MARK1: variants seen among roughly 807,000 people sequenced by gnomAD.
MARK1 encodes serine/threonine-protein kinase MARK1.
MARK1 carries 40 observed loss-of-function variants against 96.3 expected under a neutral mutation model. The observed-to-expected ratio is 0.42, with a 90% CI of 0.32 to 0.54. The LOEUF is 0.54. MARK1 is among the 20% of genes least tolerant of loss of function. The pLI is 0.16. For synonymous variants in MARK1, 317 were observed against 341.2 expected (o/e 0.93, Z 0.78); for missense variants, 719 against 984.6 (o/e 0.73, Z 3.61).
chr1:220,610,459 T>G (rs1346222279), intron 6 of MARK1, among the ~76,000 whole-genome samples: 2 of 152,164 alleles, frequency 1.3e-5, no homozygotes, highest in African/African-American at 4.8e-5. Context: ...TCTAATCTTT[T>G]TTCAGGGTTT....
chr1:220,616,959 G>A (rs187400422), intron 7 of MARK1, among the ~76,000 whole-genome samples: 1 of 152,254 alleles, frequency 6.6e-6, no homozygotes, highest in East Asian at 1.9e-4. Context: ...GAGTTTTCCT[G>A]TACATTCCTG....
intron 1 of MARK1, among the ~76,000 whole-genome samples, chr1:220,540,934 C>G (rs567009129): frequency 2.6e-5 from 4 of 151,496 alleles, no homozygotes; most frequent in Admixed American, 6.6e-5. Context: ...TGAAGTCTCT[C>G]TCTTTTTTTT....
intron 3 of MARK1, among the ~76,000 whole-genome samples, chr1:220,583,186 C>T (rs956747440): frequency 5.3e-5 from 8 of 152,132 alleles, no homozygotes; most frequent in African/African-American, 1.9e-4. Flanking sequence ...GTAATTATCG[C>T]ACATTTATAT....
rs75117742 is a variant in MARK1, at chr1:220,533,583, C to T, written c.51+4710C>T. ...GACATATTTTGCCCTAATTCTTAAA[C>T]GATAGCTTTGCTTAGTCTGTAACTC... On this transcript the variant is annotated intron_variant, in intron 1 of 17. Transcript: ENST00000366917. Among the ~76,000 whole-genome samples, 649 of 152,206 alleles carry T rather than the reference C, an allele frequency of 4.3e-3. 3 individuals carry two copies. The highest frequency in any genetic ancestry group is 0.015 in the African/African-American group (628 of 41,542).
Position 220,538,243 on chromosome 1 carries a change from T to G in MARK1, c.51+9370T>G, listed in dbSNP as rs191589434. ...GTTTAAGTCTTTAATCCATCTTGAA[T>G]TCATTTTAGTATAAGGTGTAAGGAA... is the stretch of plus-strand genomic sequence containing the variant. On this transcript the variant is annotated intron_variant, in intron 1 of 17. Transcript: ENST00000366917. Among the ~76,000 whole-genome samples, 555 of 152,252 alleles carry G rather than the reference T, an allele frequency of 3.6e-3. 5 individuals are homozygous for G. Among genetic ancestry groups the G allele is most frequent in the African/African-American group, 0.013 (524 of 41,554 alleles).
intron 6 of MARK1, among the ~76,000 whole-genome samples, chr1:220,615,115 T>C (rs1341515323): frequency 6.6e-6 from 1 of 152,182 alleles, no homozygotes. Context: ...TCTTAATTGA[T>C]TGCTATCAGA....
At chr1:220,554,559 A>G (rs1662115007) in intron 1 of MARK1, among the ~76,000 whole-genome samples, 1 of 152,202 alleles carries the variant, frequency 6.6e-6, no homozygotes, top group Admixed American at 6.5e-5. Flanking sequence ...TTATGACATA[A>G]GGGTAGAGGT....
chr1:220,652,208 A>T, intron 15 of MARK1, 58 bp downstream of exon 15: 1 of 1,365,378 alleles, frequency 7.3e-7, no homozygotes, highest in Middle Eastern at 1.9e-4. Context: ...ATATAGCACC[A>T]TGTGAAAATA....
chr1:220,653,360 C>G lies in MARK1; in HGVS notation c.1988+8C>G. On this transcript the variant is annotated splice_region_variant and intron_variant, in intron 16 of 17. Coordinates refer to ENST00000366917, the MANE Select transcript of MARK1 (RefSeq NM_018650.5). ...ATCCAAATTTGTTCGCAGGTCAGTA[C>G]CAATGTACTGTCGTGTTTTGATTCC... The G allele has an allele frequency of 6.2e-7, 1 of 1,613,538 alleles. No individual in the cohort carries two copies.
intron 3 of MARK1, among the ~76,000 whole-genome samples, chr1:220,595,702 G>T (rs1665291703): frequency 6.6e-6 from 1 of 152,186 alleles, no homozygotes; most frequent in Non-Finnish European, 1.5e-5. Context: ...GTAGATAACG[G>T]ATTGGAGGAT....
intron 3 of MARK1, among the ~76,000 whole-genome samples, chr1:220,583,185 G>A (rs1299565055): frequency 1.3e-5 from 2 of 152,204 alleles, no homozygotes; most frequent in South Asian, 2.1e-4. Flanking sequence ...GGTAATTATC[G>A]CACATTTATA....
chr1:220,631,378 C>T (rs569668581), intron 10 of MARK1, among the ~76,000 whole-genome samples: 3 of 152,222 alleles, frequency 2.0e-5, no homozygotes, highest in East Asian at 1.9e-4. Flanking sequence ...GTAAATAAAT[C>T]GAATTCTTTC....
chr1:220,602,502 C>T (rs922653776), intron 5 of MARK1, among the ~76,000 whole-genome samples: 2 of 152,094 alleles, frequency 1.3e-5, no homozygotes, highest in Non-Finnish European at 2.9e-5. Flanking sequence ...CATGTAAATA[C>T]CTGGGGTAAG....
chr1:220,567,155 A>G (rs1410283621), intron 1 of MARK1, among the ~76,000 whole-genome samples: 2 of 152,176 alleles, frequency 1.3e-5, no homozygotes, highest in African/African-American at 4.8e-5. Context: ...AAATGATTGC[A>G]TATCACTATA....
chr1:220,583,752 G>A (rs527382911), intron 3 of MARK1, among the ~76,000 whole-genome samples: 5 of 149,852 alleles, frequency 3.3e-5, no homozygotes, highest in Admixed American at 1.3e-4. Flanking sequence ...AGGCTCAAGC[G>A]ATTCTCCTGA....
chr1:220,631,128 A>G lies in MARK1; in HGVS notation c.1003A>G (p.Arg335Gly), dbSNP rs745420840. Residue 335 changes from arginine to glycine, a missense_variant, in exon 10 of 18, where the codon AGA becomes GGA. Coordinates refer to ENST00000366917, the MANE Select transcript of MARK1 (RefSeq NM_018650.5). ...TGATCCGGATTTCAATGACACAAAA[A>G]GAATAGGTAAGTATTTAAACATGGT... ...EPDPDFNDTK[R>G]IDIMVTMGFA... 2 of 1,608,146 alleles carry G rather than the reference A, an allele frequency of 1.2e-6. No individual in the cohort carries two copies. The highest frequency in any genetic ancestry group is 1.7e-6 in the Non-Finnish European group (2 of 1,174,884).
At chr1:220,653,573 T>A (rs1035995843) in intron 16 of MARK1, among the ~76,000 whole-genome samples, 1 of 152,162 alleles carries the variant, frequency 6.6e-6, no homozygotes, top group African/African-American at 2.4e-5. Context: ...TTTAAAAATC[T>A]GTAAAATAAA....
intron 6 of MARK1, among the ~76,000 whole-genome samples, chr1:220,606,520 T>G (rs1666091007): frequency 6.6e-6 from 1 of 152,232 alleles, no homozygotes; most frequent in African/African-American, 2.4e-5. Flanking sequence ...CAGAAGCTTT[T>G]TAGTTTAATT....
rs138353429 is a variant in MARK1, at chr1:220,655,786, G to A, written c.1989-2004G>A. ...CTCTTAAATTTAAAGCCCCTGATTAGCTTTCACCTTGCTCAGAATACAATT... is the reference window on the plus strand; with the variant it reads ...CTCTTAAATTTAAAGCCCCTGATTAACTTTCACCTTGCTCAGAATACAATT... On this transcript the variant is annotated intron_variant, in intron 16 of 17. Transcript: ENST00000366917. Among the ~76,000 whole-genome samples, 278 of 152,240 alleles carry A rather than the reference G, an allele frequency of 1.8e-3. 1 individual carries two copies. The highest frequency in any genetic ancestry group is 6.5e-3 in the African/African-American group (269 of 41,554).
Sources: gnomAD v4.1 joint callset for allele counts (sites outside exome capture counted in the v4.1 genomes callset) on GRCh38, gnomAD v4.1.1 for gene constraint, MANE v1.5 for transcripts, NCBI Gene and HGNC (gene_info 2026-07-23, HGNC 2026-07-21) for gene names.